CDK12: variants seen among roughly 807,000 people sequenced by gnomAD.
CDK12 encodes cyclin dependent kinase 12, also known as cyclin-dependent kinase 12.
CDK12 carries 17 observed loss-of-function variants against 133.8 expected under a neutral mutation model. The observed-to-expected ratio is 0.13, with a 90% confidence interval of 0.09 to 0.19. The LOEUF (loss-of-function observed/expected upper bound fraction) is 0.19. Ranked by LOEUF, CDK12 falls within the 10% of genes least tolerant of loss-of-function variation. The pLI, the probability that CDK12 is intolerant of heterozygous loss-of-function variation, is 1.00. For missense variants in CDK12, 1,508 were observed against 1,818.7 expected, an observed-to-expected ratio of 0.83 and a Z score of 3.11; for synonymous variants, 694 against 683.6, an observed-to-expected ratio of 1.02 and a Z score of -0.24.
At chr17:39,476,711 C>CATTTTTTTTTTTT (rs1555553398) in intron 2 of CDK12, among the ~76,000 whole-genome samples, 2,328 of 84,506 alleles carry the variant, frequency 0.028, 906 homozygotes, top group Middle Eastern at 0.12. Context: ...CCATGCCTGC[C>CATTTTTTTTTTTT]TTTTTTTTTT....
At chr17:39,503,100 C>G (rs933672929) in intron 6 of CDK12, among the ~76,000 whole-genome samples, 38 of 152,166 alleles carry the variant, frequency 2.5e-4, no homozygotes, top group African/African-American at 8.2e-4. Context: ...TAATCTTAGA[C>G]TGAGTCTCAC....
downstream of CDK12, among the ~76,000 whole-genome samples, chr17:39,565,560 A>G (rs1174622627): frequency 6.6e-6 from 1 of 151,862 alleles, no homozygotes; most frequent in Non-Finnish European, 1.5e-5. Flanking sequence ...CAGCCTCCCA[A>G]GTAGCTGGGA....
chr17:39,464,997 CAGCACTTTGGG>C (rs2049193959), intron 1 of CDK12, among the ~76,000 whole-genome samples: 1 of 151,440 alleles, frequency 6.6e-6, no homozygotes, highest in African/African-American at 2.4e-5. Context: ...CCTGTAATCT[CAGCACTTTGGG>C]AGGCCGAGGT....
chr17:39,461,961 C>G lies in CDK12; in HGVS notation c.-111C>G, dbSNP rs886758353. On this transcript the variant is annotated 5_prime_UTR_variant, in exon 1 of 14. Transcript: ENST00000447079. The stretch of plus-strand genomic sequence containing the variant: ...GCTACCGTCCCTGCCCTCCCCACCC[C>G]CTTCCCGGGGCGCTTTGGTGGGCGT... 2 of 818,546 alleles carry G rather than the reference C, an allele frequency of 2.4e-6. No homozygotes were observed. The highest frequency in any genetic ancestry group is 3.8e-6 in the Non-Finnish European group (2 of 530,340). The allele number at this position is 818,546 out of a possible 1,614,324, so 50.7% of individuals were successfully genotyped here. A position where few individuals can be genotyped will look rare whatever the true frequency, so the allele number is the denominator to read the frequency against.
In CDK12 at chr17:39,469,778, C is replaced by T. The variant is rs563866946; in HGVS notation, c.1047-1101C>T. Reference sequence around the variant, plus strand: ...TCAGCCTCCCAAGTAGCTGGGATTACAGGCGCCCACCACAACGCCTGGCTA... The same window carrying T: ...TCAGCCTCCCAAGTAGCTGGGATTATAGGCGCCCACCACAACGCCTGGCTA... On this transcript the variant is annotated intron_variant, in intron 1 of 13. Transcript: ENST00000447079. 2.0e-5 allele frequency among the ~76,000 whole-genome samples: 3 copies of T among 151,976 alleles called. No homozygotes were observed. In the East Asian group the frequency reaches 5.8e-4, roughly 29 times the overall value.
chr17:39,462,660 C>A lies in CDK12; in HGVS notation c.589C>A (p.Arg197=), dbSNP rs780116042. The A allele has an allele frequency of 6.2e-7, 1 of 1,613,990 alleles. No homozygotes were observed. Among genetic ancestry groups the A allele is most frequent in the Non-Finnish European group, 8.5e-7 (1 of 1,180,002 alleles). ...GGAGCTGAAGTCTGGGCACAAAGAC[C>A]GGAGTAAAAGTCATCGAAAAAGGGA... ...ERELKSGHKD[R]SKSHRKRETP... is the part of the protein sequence containing the mutation. The change falls in exon 1 of 14, where the codon CGG becomes AGG. Residue 197 remains arginine (R), a synonymous_variant. Transcript: ENST00000447079.
In CDK12 at chr17:39,526,252, T is replaced by G. The variant is rs760362463; in HGVS notation, c.3696T>G (p.Ser1232Arg). 1.2e-6 allele frequency: 2 copies of G among 1,610,858 alleles called. No individual in the cohort carries two copies. Among genetic ancestry groups the G allele is most frequent in the Non-Finnish European group, 1.7e-6 (2 of 1,178,722 alleles). ...EPAGSLEENNSDKNSGPQGPR... is the reference protein window; with the variant it reads ...EPAGSLEENNRDKNSGPQGPR... ...CAGGCAGTCTGGAGGAAAACAACAG[T>G]GACAAGAACAGTGGGCCACAGGGGC... The change falls in exon 13 of 14, where the codon AGT becomes AGG. Residue 1232 changes from serine to arginine, a missense_variant. Coordinates refer to ENST00000447079, the MANE Select transcript of CDK12 (RefSeq NM_016507.4).
At position 39,476,260 on chromosome 17, in the gene CDK12, C is replaced by G. The variant is rs192290432; in HGVS notation, c.1931+4497C>G. Among the ~76,000 whole-genome samples the G allele has an allele frequency of 2.6e-5, 4 of 151,758 alleles. No homozygotes were observed. The South Asian group carries it at 6.3e-4, about 24-fold the overall frequency. On this transcript the variant is annotated intron_variant, in intron 2 of 13. Transcript: ENST00000447079. ...GAGTAGTTGGGACCACAGGCACCCG[C>G]CACCACACCCAGCTAATTTTTGTAT...
chr17:39,482,749 T>C (rs888696523), intron 2 of CDK12, among the ~76,000 whole-genome samples: 5 of 151,558 alleles, frequency 3.3e-5, no homozygotes, highest in African/African-American at 9.7e-5. Context: ...ATTACAGGCA[T>C]GTGCCACCAT....
At chr17:39,465,005 T>C (rs1466102348) in intron 1 of CDK12, among the ~76,000 whole-genome samples, 1 of 151,870 alleles carries the variant, frequency 6.6e-6, no homozygotes, top group African/African-American at 2.4e-5. Context: ...CTCAGCACTT[T>C]GGGAGGCCGA....
At chr17:39,517,308 C>T (rs1395231431) in intron 9 of CDK12, 132 bp from the exon 10 acceptor site, 3 of 645,516 alleles carry the variant, frequency 4.6e-6, no homozygotes, top group South Asian at 4.0e-5. Context: ...ATTTTCCTTT[C>T]TGCATGCCCT....
intron 12 of CDK12, among the ~76,000 whole-genome samples, chr17:39,525,386 C>T (rs2054434312): frequency 6.6e-6 from 1 of 152,110 alleles, no homozygotes; most frequent in East Asian, 1.9e-4. Context: ...ACCAATTCTT[C>T]GGGACAAAAG....
At chr17:39,527,584 A>G (rs543449101) in intron 13 of CDK12, among the ~76,000 whole-genome samples, 1 of 152,314 alleles carries the variant, frequency 6.6e-6, no homozygotes, top group African/African-American at 2.4e-5. Flanking sequence ...GTCTTACTCC[A>G]TTGCCCAGGC....
chr17:39,494,084 G>A (rs1386241768), intron 4 of CDK12, among the ~76,000 whole-genome samples: 1 of 152,064 alleles, frequency 6.6e-6, no homozygotes, highest in Admixed American at 6.6e-5. Context: ...TTGAGAAGGA[G>A]TCTCACTCTG....
intron 2 of CDK12, among the ~76,000 whole-genome samples, chr17:39,480,745 C>T (rs1034629363): frequency 1.3e-5 from 2 of 151,956 alleles, no homozygotes; most frequent in African/African-American, 4.8e-5. Context: ...TTCTTTCAAA[C>T]ATGTATTTTG....
At chr17:39,464,134 T>C (rs752638916) in intron 1 of CDK12, among the ~76,000 whole-genome samples, 4 of 152,176 alleles carry the variant, frequency 2.6e-5, no homozygotes, top group African/African-American at 4.8e-5. Flanking sequence ...GCACAGTGCC[T>C]TGTACATAAT....
At chr17:39,560,433 G>A (rs1035790108) in intron 3 of CDK12, among the ~76,000 whole-genome samples, 2 of 152,140 alleles carry the variant, frequency 1.3e-5, no homozygotes, top group Non-Finnish European at 2.9e-5. Context: ...TCTTAATTGG[G>A]CATGGCACTA....
chr17:39,555,476 A>G (rs1288090256), intron 2 of CDK12, among the ~76,000 whole-genome samples: 7 of 148,822 alleles, frequency 4.7e-5, no homozygotes, highest in Admixed American at 2.7e-4. Flanking sequence ...AAGATTAGCC[A>G]CTCCTTGTGT....
At chr17:39,511,823 C>T (rs2053523164) in intron 8 of CDK12, among the ~76,000 whole-genome samples, 193 bp downstream of exon 8, 1 of 151,834 alleles carries the variant, frequency 6.6e-6, no homozygotes, top group African/African-American at 2.4e-5. Context: ...AAACAGATTT[C>T]TTCTTTTTTT....
Sources: gnomAD v4.1 joint callset for allele counts (sites outside exome capture counted in the v4.1 genomes callset) on GRCh38, gnomAD v4.1.1 for gene constraint, MANE v1.5 for transcripts, NCBI Gene and HGNC (gene_info 2026-07-23, HGNC 2026-07-21) for gene names.